The following SLC35F1 variants were observed in gnomAD, a reference collection of about 807,000 sequenced individuals.
SLC35F1 encodes the protein chromosome 6 open reading frame 169.
A neutral mutation model predicts 48.7 loss-of-function variants in SLC35F1; 14 were observed. The observed-to-expected ratio is 0.29, with a 90% CI of 0.19 to 0.45. SLC35F1 has a LOEUF of 0.45. SLC35F1 is among the 20% of genes least tolerant of loss of function. SLC35F1 has a pLI of 1.00. For synonymous variants in SLC35F1, 190 were observed against 202.2 expected, an observed-to-expected ratio of 0.94 and a Z score of 0.51; for missense variants, 404 against 500.0, an observed-to-expected ratio of 0.81 and a Z score of 1.83.
intron 5 of SLC35F1, among the ~76,000 whole-genome samples, chr6:118,276,884 A>T (rs1247178719): frequency 6.6e-6 from 1 of 152,122 alleles, no homozygotes; most frequent in East Asian, 1.9e-4. Flanking sequence ...AATCAAAGTA[A>T]TGCTGGTGGA....
chr6:117,950,927 T>G (rs1338982990), intron 1 of SLC35F1, among the ~76,000 whole-genome samples: 1 of 152,276 alleles, frequency 6.6e-6, no homozygotes, highest in African/African-American at 2.4e-5. Context: ...GAAATAAATT[T>G]TTTTCATATT....
chr6:118,031,074 T>G (rs1282647924), intron 1 of SLC35F1, among the ~76,000 whole-genome samples: 1 of 152,122 alleles, frequency 6.6e-6, no homozygotes, highest in Non-Finnish European at 1.5e-5. Flanking sequence ...TATCAACATC[T>G]CACACTAGAA....
intron 1 of SLC35F1, among the ~76,000 whole-genome samples, chr6:118,081,477 T>TA: frequency 6.6e-6 from 1 of 151,498 alleles, no homozygotes; most frequent in Non-Finnish European, 1.5e-5. Context: ...CAAAAAATTT[T>TA]AAAAAAAAAT....
At chr6:118,078,884 A>T (rs376079199) in intron 1 of SLC35F1, among the ~76,000 whole-genome samples, 2 of 152,222 alleles carry the variant, frequency 1.3e-5, no homozygotes. Flanking sequence ...AACACAGGGC[A>T]TCCTGAGTCA....
At chr6:118,070,906 A>ATATATATATACATAGTAAATATATATAC (rs1772695660) in intron 1 of SLC35F1, among the ~76,000 whole-genome samples, 1 of 5,552 alleles carries the variant, frequency 1.8e-4, no homozygotes, top group African/African-American at 4.9e-4. Context: ...TATATACTAT[A>ATATATATATACATAGTAAATATATATAC]TATATATACA....
At chr6:117,923,758 C>T (rs1341017139) in intron 1 of SLC35F1, among the ~76,000 whole-genome samples, 7 of 51,838 alleles carry the variant, frequency 1.4e-4, no homozygotes, top group South Asian at 1.3e-3. Flanking sequence ...TACATATATA[C>T]ATATGCACAT....
At chr6:118,038,815 T>C (rs1236092946) in intron 1 of SLC35F1, among the ~76,000 whole-genome samples, 1 of 152,058 alleles carries the variant, frequency 6.6e-6, no homozygotes, top group Non-Finnish European at 1.5e-5. Context: ...AGATACAAGG[T>C]CTTGCTTTGT....
intron 1 of SLC35F1, among the ~76,000 whole-genome samples, chr6:117,938,575 T>G (rs1776189151): frequency 6.6e-6 from 1 of 152,204 alleles, no homozygotes; most frequent in African/African-American, 2.4e-5. Context: ...GGATTCCTGC[T>G]GAGTCACTAA....
rs529179271 is a variant in SLC35F1 at position 118,134,512 on chromosome 6, C to G, written c.174-19933C>G. Among the ~76,000 whole-genome samples the G allele has an allele frequency of 9.3e-4, 141 of 152,274 alleles. 1 individual carries two copies. Among genetic ancestry groups the G allele is most frequent in the African/African-American group, 3.4e-3 (141 of 41,550 alleles). On this transcript the variant is annotated intron_variant, in intron 1 of 7. Coordinates refer to ENST00000360388, the MANE Select transcript of SLC35F1 (RefSeq NM_001029858.4). ...TAGCAGGTGGTTGATGAAGGCTGGT[C>G]AGTAAATAGTGCTGAGTCCTAGAAT...
At chr6:118,250,978 AAAAAG>A (rs1395834661) in intron 3 of SLC35F1, among the ~76,000 whole-genome samples, 1 of 151,030 alleles carries the variant, frequency 6.6e-6, no homozygotes, top group African/African-American at 2.4e-5. Context: ...CAAAAACAAA[AAAAAG>A]AAAAGAGAAA....
intron 2 of SLC35F1, among the ~76,000 whole-genome samples, chr6:118,225,395 G>A (rs187249268): frequency 6.6e-6 from 1 of 152,186 alleles, no homozygotes; most frequent in East Asian, 1.9e-4. Flanking sequence ...TGGGGAAAGG[G>A]AAGTCTCTTC....
At chr6:118,288,716 C>T (rs1776081295) in intron 7 of SLC35F1, among the ~76,000 whole-genome samples, 1 of 152,128 alleles carries the variant, frequency 6.6e-6, no homozygotes, top group African/African-American at 2.4e-5. Context: ...GCCCAACTCC[C>T]CCTTCCCATC....
At chr6:117,983,279 C>T (rs1412879059) in intron 1 of SLC35F1, among the ~76,000 whole-genome samples, 1 of 152,104 alleles carries the variant, frequency 6.6e-6, no homozygotes. Flanking sequence ...GTGGCTTGTA[C>T]ACAGTCTTTT....
intron 1 of SLC35F1, among the ~76,000 whole-genome samples, chr6:117,967,706 C>A (rs1231002248): frequency 6.6e-6 from 1 of 152,198 alleles, no homozygotes; most frequent in Non-Finnish European, 1.5e-5. Flanking sequence ...CAATCTTATG[C>A]AATGAGTGAG....
At chr6:118,160,911 T>G (rs1299833343) in intron 2 of SLC35F1, among the ~76,000 whole-genome samples, 1 of 151,864 alleles carries the variant, frequency 6.6e-6, no homozygotes, top group Non-Finnish European at 1.5e-5. Context: ...TTTTTTTTTT[T>G]TTGAGGAGGT....
At chr6:118,109,609 G>C (rs756135512) in intron 1 of SLC35F1, among the ~76,000 whole-genome samples, 11 of 152,008 alleles carry the variant, frequency 7.2e-5, no homozygotes, top group African/African-American at 1.2e-4. Context: ...TCAACACCTA[G>C]CATTTAGAAT....
intron 1 of SLC35F1, among the ~76,000 whole-genome samples, chr6:117,958,296 A>G (rs984220106): frequency 2.6e-5 from 4 of 152,196 alleles, no homozygotes; most frequent in African/African-American, 9.7e-5. Context: ...AAAGTAAAAA[A>G]GATATAATAA....
At chr6:118,298,887 T>C (rs914237407) in intron 7 of SLC35F1, among the ~76,000 whole-genome samples, 1 of 152,198 alleles carries the variant, frequency 6.6e-6, no homozygotes, top group Non-Finnish European at 1.5e-5. Flanking sequence ...AGAAATACTT[T>C]TATTGTGCTG....
intron 2 of SLC35F1, among the ~76,000 whole-genome samples, chr6:118,220,486 C>G (rs944500475): frequency 1.3e-5 from 2 of 152,156 alleles, no homozygotes; most frequent in Non-Finnish European, 2.9e-5. Flanking sequence ...GTAGCAAGCC[C>G]TGGAGTAAAA....
Sources: gnomAD v4.1 joint callset for allele counts (sites outside exome capture counted in the v4.1 genomes callset) on GRCh38, gnomAD v4.1.1 for gene constraint, MANE v1.5 for transcripts, NCBI Gene and HGNC (gene_info 2026-07-23, HGNC 2026-07-21) for gene names.